The following AGO3 variants were observed in gnomAD, a reference collection of about 807,000 sequenced individuals.
AGO3 encodes the protein protein argonaute-3.
In AGO3, 16 loss-of-function variants were observed where a neutral mutation model predicts 105.5. The ratio of observed to expected loss-of-function variants is 0.15; its 90% CI spans 0.10 to 0.23. The LOEUF is 0.23. AGO3 is among the 10% of genes least tolerant of loss of function. The pLI is 1.00. For missense variants in AGO3, 534 were observed against 1,088.0 expected (o/e 0.49, Z 7.16); for synonymous variants, 340 against 367.3 (o/e 0.93, Z 0.85).
chr1:35,998,603 A>G (rs1557675046), intron 5 of AGO3, among the ~76,000 whole-genome samples: 1 of 152,114 alleles, frequency 6.6e-6, no homozygotes, highest in Non-Finnish European at 1.5e-5. Context: ...TTGGTATAAA[A>G]TGATAGGTTG....
At chr1:35,931,467 A>G in intron 1 of AGO3, 22 bp downstream of exon 1, 1 of 1,490,722 alleles carries the variant, frequency 6.7e-7, no homozygotes, top group Non-Finnish European at 8.9e-7. Flanking sequence ...TAGCTGGGCC[A>G]GGTAGGGGAT....
chr1:35,945,512 T>G (rs1299470081), intron 1 of AGO3, among the ~76,000 whole-genome samples, 180 bp from the exon 2 acceptor site: 1 of 152,364 alleles, frequency 6.6e-6, no homozygotes, highest in East Asian at 1.9e-4. Context: ...CTGTGTTTAT[T>G]TTTAATGAAG....
At chr1:35,967,143 C>T in intron 3 of AGO3, 68 bp downstream of exon 3, 1 of 1,525,822 alleles carries the variant, frequency 6.6e-7, no homozygotes, top group Non-Finnish European at 8.8e-7. Flanking sequence ...GCATTTATTA[C>T]CATTTTTATT....
At chr1:36,028,392 C>CT (rs1641607323) in intron 12 of AGO3, among the ~76,000 whole-genome samples, 1 of 46,374 alleles carries the variant, frequency 2.2e-5, no homozygotes, top group African/African-American at 1.7e-4. Context: ...TGCTATCCCT[C>CT]CCCCCCCCCC....
chr1:35,940,309 C>T (rs916689668), intron 1 of AGO3, among the ~76,000 whole-genome samples: 6 of 152,098 alleles, frequency 3.9e-5, no homozygotes, highest in Non-Finnish European at 7.4e-5. Flanking sequence ...TCAGGTGATC[C>T]GCCCGCGTCA....
At position 36,007,466 on chromosome 1, in the gene AGO3, G is replaced by A. The variant is rs192580446; in HGVS notation, c.794-1224G>A. 9.3e-4 allele frequency among the ~76,000 whole-genome samples: 142 copies of A among 152,290 alleles called. 3 individuals are homozygous for A. In the East Asian group the frequency reaches 0.02, roughly 22 times the overall value. The stretch of plus-strand genomic sequence containing the variant: ...AATCTCAACACTTTGGGAGGCCAAG[G>A]TGGGTGGTTCACCTGAGGTCTGGAG... On this transcript the variant is annotated intron_variant, in intron 6 of 18. Coordinates refer to ENST00000373191, the MANE Select transcript of AGO3 (RefSeq NM_024852.4).
At chr1:36,035,077 A>G (rs1024011522) in intron 13 of AGO3, among the ~76,000 whole-genome samples, 1 of 152,220 alleles carries the variant, frequency 6.6e-6, no homozygotes, top group Non-Finnish European at 1.5e-5. Context: ...ACATTAGAAT[A>G]AGAATTGGCC....
chr1:35,997,840 G>A (rs989850059), intron 5 of AGO3, among the ~76,000 whole-genome samples: 10 of 152,052 alleles, frequency 6.6e-5, no homozygotes, highest in Non-Finnish European at 8.8e-5. Context: ...AGGATTATAC[G>A]CGCCTGCCAC....
intron 2 of AGO3, among the ~76,000 whole-genome samples, chr1:35,954,058 T>G (rs965397745): frequency 6.6e-5 from 10 of 152,200 alleles, no homozygotes; most frequent in African/African-American, 2.4e-4. Flanking sequence ...GGTTCTATAT[T>G]AAAATGATTT....
chr1:36,034,356 G>T, intron 13 of AGO3, 23 bp downstream of exon 13: 1 of 1,532,462 alleles, frequency 6.5e-7, no homozygotes, highest in Non-Finnish European at 8.8e-7. Context: ...AATCGCTTAT[G>T]AAAATATTAT....
At chr1:35,939,105 G>A (rs765392783) in intron 1 of AGO3, among the ~76,000 whole-genome samples, 1 of 152,110 alleles carries the variant, frequency 6.6e-6, no homozygotes, top group African/African-American at 2.4e-5. Flanking sequence ...ACTCTAGTGG[G>A]CAGTATGTAT....
At chr1:35,934,823 T>C (rs1646119977) in intron 1 of AGO3, among the ~76,000 whole-genome samples, 1 of 152,138 alleles carries the variant, frequency 6.6e-6, no homozygotes, top group Non-Finnish European at 1.5e-5. Context: ...GCTAATTTTT[T>C]GTATTTTTAG....
intron 5 of AGO3, among the ~76,000 whole-genome samples, chr1:35,991,149 A>G (rs535009786): frequency 5.6e-4 from 85 of 152,246 alleles, no homozygotes; most frequent in African/African-American, 2.0e-3. Flanking sequence ...ACTAAAATAC[A>G]AAAAATTAGC....
chr1:35,972,856 A>AATT (rs1646893106), intron 4 of AGO3, among the ~76,000 whole-genome samples: 1 of 122,894 alleles, frequency 8.1e-6, no homozygotes, highest in Non-Finnish European at 1.7e-5. Flanking sequence ...TTAAAAAAAA[A>AATT]TTTTTTTTTT....
intron 14 of AGO3, among the ~76,000 whole-genome samples, chr1:36,036,979 A>G (rs1353568259): frequency 1.3e-5 from 2 of 152,048 alleles, no homozygotes. Context: ...TACAGGTGTG[A>G]GCTACCGTGC....
chr1:36,032,524 AGCACATACCATCATGCCTG>A (rs1641825578), intron 12 of AGO3, among the ~76,000 whole-genome samples: 1 of 151,950 alleles, frequency 6.6e-6, no homozygotes, highest in African/African-American at 2.4e-5. Context: ...TAGAACTAAA[AGCACATACCATCATGCCTG>A]GCTAATTAAA....
intron 5 of AGO3, among the ~76,000 whole-genome samples, chr1:35,996,504 C>T (rs547760761): frequency 3.3e-5 from 5 of 152,204 alleles, no homozygotes; most frequent in African/African-American, 9.6e-5. Context: ...GGCACAGTGG[C>T]TCACACCTGT....
chr1:36,058,756 G>A lies in AGO3; in HGVS notation c.*3011G>A, dbSNP rs575149745. Reference sequence around the variant, plus strand: ...ACTGTTGCAAAGAACTTTACAAAAGGTAATATTTGTATCGTATATACATTT... The same window carrying A: ...ACTGTTGCAAAGAACTTTACAAAAGATAATATTTGTATCGTATATACATTT... On this transcript the variant is annotated 3_prime_UTR_variant, in exon 19 of 19. Coordinates refer to ENST00000373191, the MANE Select transcript of AGO3 (RefSeq NM_024852.4). 2 of 152,098 alleles carry A rather than the reference G, an allele frequency of 1.3e-5. No individual in the cohort carries two copies. Among genetic ancestry groups the A allele is most frequent in the African/African-American group, 4.8e-5 (2 of 41,424 alleles). 9.4% of individuals were successfully genotyped at this position (152,098 alleles called of 1,614,324 possible).
chr1:35,947,378 AACAAC>A (rs944275688), intron 2 of AGO3, among the ~76,000 whole-genome samples: 3 of 152,102 alleles, frequency 2.0e-5, no homozygotes, highest in Non-Finnish European at 4.4e-5. Context: ...TCCTAAAGTG[AACAAC>A]ACAAGTCAAA....
Sources: gnomAD v4.1 joint callset for allele counts (sites outside exome capture counted in the v4.1 genomes callset) on GRCh38, gnomAD v4.1.1 for gene constraint, MANE v1.5 for transcripts, NCBI Gene and HGNC (gene_info 2026-07-23, HGNC 2026-07-21) for gene names.